KLHL26: variants seen among roughly 807,000 people sequenced by gnomAD.
KLHL26 encodes kelch like family member 26, also known as kelch-like protein 26.
A neutral mutation model predicts 7.1 loss-of-function variants in KLHL26; 4 were observed. The observed-to-expected ratio is 0.56, with a 90% CI of 0.28 to 1.28. The LOEUF is 1.28. Ranked by LOEUF, KLHL26 falls within the 50% of genes most tolerant of loss-of-function variation. The probability of loss-of-function intolerance (pLI) is 0.11; values close to 1 mark genes in which losing one functional copy is unlikely to be tolerated. For missense variants in KLHL26, 896 were observed against 924.6 expected (o/e 0.97, Z 0.40); for synonymous variants, 465 against 414.1 (o/e 1.12, Z -1.49).
At position 18,641,349 on chromosome 19, in the gene KLHL26, C is replaced by T. The variant is rs1429348168; in HGVS notation, c.83+4212C>T. On this transcript the variant is annotated intron_variant, in intron 1 of 2. Coordinates refer to ENST00000300976, the MANE Select transcript of KLHL26 (RefSeq NM_018316.3). ...TTTTTTTTTTTTTAAGACTGAGTCT[C>T]GCTTTGTTGCCCAGGCTGGAGTGCA... Among the ~76,000 whole-genome samples the T allele has an allele frequency of 1.0e-4, 13 of 127,394 alleles. 1 individual carries two copies. Among genetic ancestry groups the T allele is most frequent in the Non-Finnish European group, 2.0e-4 (13 of 64,192 alleles). The allele number at this position is 127,394 out of a possible 152,430, so 83.6% of individuals were successfully genotyped here. A position where few individuals can be genotyped will look rare whatever the true frequency, so the allele number is the denominator to read the frequency against.
Position 18,670,539 on chromosome 19 carries a change from A to T in KLHL26, c.*1294A>T, listed in dbSNP as rs2052517327. The T allele has an allele frequency of 6.6e-6, 1 of 152,022 alleles. No individual in the cohort carries two copies. Among genetic ancestry groups the T allele is most frequent in the Non-Finnish European group, 1.5e-5 (1 of 68,010 alleles). The allele number at this position is 152,022 out of a possible 1,614,324, so 9.4% of individuals were successfully genotyped here. Reference sequence around the variant, plus strand: ...ACTGAGCTTGTGCGGCTTGGGTCTGATTGGTCACAGATTCCTCGTGTGTCC... The same window carrying T: ...ACTGAGCTTGTGCGGCTTGGGTCTGTTTGGTCACAGATTCCTCGTGTGTCC... On this transcript the variant is annotated 3_prime_UTR_variant, in exon 3 of 3. Transcript: ENST00000300976.
chr19:18,667,352 GT>G, intron 2 of KLHL26: 2 of 438,020 alleles, frequency 4.6e-6, no homozygotes, highest in Admixed American at 3.5e-5. Flanking sequence ...GTTTTTGTTT[GT>G]TTGTTTGTTT....
intron 1 of KLHL26, among the ~76,000 whole-genome samples, chr19:18,645,638 C>T (rs1217687317): frequency 6.6e-6 from 1 of 151,906 alleles, no homozygotes; most frequent in Non-Finnish European, 1.5e-5. Context: ...ATAGTGAAAC[C>T]CCCTCTCTAC....
In KLHL26 at chr19:18,646,968, C is replaced by T. The variant is rs1032297741; in HGVS notation, c.83+9831C>T. On this transcript the variant is annotated intron_variant, in intron 1 of 2. Coordinates refer to ENST00000300976, the MANE Select transcript of KLHL26 (RefSeq NM_018316.3). The surrounding 1 kb of genome is among the most constrained non-coding windows in gnomAD (Gnocchi z 5.0). ...GAGCTCGGCAGGGCGGGGGCAGGGG[C>T]GGCGGGGGGTGGCGCGTCTCAGCAG... Among the ~76,000 whole-genome samples, 64 of 62,026 alleles carry T rather than the reference C, an allele frequency of 1.0e-3. No homozygotes were observed. The highest frequency in any genetic ancestry group is 3.6e-3 in the African/African-American group (57 of 15,756). The allele number at this position is 62,026 out of a possible 152,430, so 40.7% of individuals were successfully genotyped here.
In KLHL26 at chr19:18,667,742, G is replaced by A; in HGVS notation, c.345G>A (p.Arg115=). ...AGGGCGTGTCGGCCCGTGGCCTGCG[G>A]CACATCATCGACTTCGCCTACAGCG... The part of the protein sequence containing the change: ...ELKGVSARGL[R]HIIDFAYSAE... Residue 115 remains arginine (R), a synonymous_variant, in exon 3 of 3, where the codon CGG becomes CGA. Transcript: ENST00000300976. 1 of 1,613,240 alleles carries A rather than the reference G, an allele frequency of 6.2e-7. No homozygotes were observed. Among genetic ancestry groups the A allele is most frequent in the South Asian group, 1.1e-5 (1 of 91,082 alleles).
chr19:18,638,634 AG>A (rs1976659821), intron 1 of KLHL26, among the ~76,000 whole-genome samples: 1 of 152,238 alleles, frequency 6.6e-6, no homozygotes, highest in African/African-American at 2.4e-5. Context: ...GAAGAGGGAC[AG>A]TGAACCCCAG....
At position 18,665,899 on chromosome 19, in the gene KLHL26, G is replaced by A. The variant is rs571143313; in HGVS notation, c.266+1456G>A. On this transcript the variant is annotated intron_variant, in intron 2 of 2. Transcript: ENST00000300976. Reference sequence around the variant, plus strand: ...CCACACATTCCCCGAGGCCCGGGCCGCCTGCCCCATGGGCTCAATGAGGCT... The same window carrying A: ...CCACACATTCCCCGAGGCCCGGGCCACCTGCCCCATGGGCTCAATGAGGCT... Among the ~76,000 whole-genome samples the A allele has an allele frequency of 1.2e-4, 18 of 152,308 alleles. No homozygotes were observed. The South Asian group carries it at 3.5e-3, about 30-fold the overall frequency.
At chr19:18,642,555 G>A (rs1447337416) in intron 1 of KLHL26, among the ~76,000 whole-genome samples, 1 of 151,424 alleles carries the variant, frequency 6.6e-6, no homozygotes, top group Non-Finnish European at 1.5e-5. Context: ...GTAGAGGTGG[G>A]GTTTCTCCAT....
In KLHL26 at chr19:18,669,234, A is replaced by C; in HGVS notation, c.1837A>C (p.Thr613Pro). The C allele has an allele frequency of 6.2e-7, 1 of 1,608,996 alleles. No individual in the cohort carries two copies. The highest frequency in any genetic ancestry group is 1.1e-5 in the South Asian group (1 of 91,016). ...CAPVLLPRAG[T>P]RR The stretch of plus-strand genomic sequence containing the variant: ...CCCCGTCCTGCTGCCCCGGGCCGGG[A>C]CCAGGAGGTAGCCCCCAAGACCCCC... The change falls in exon 3 of 3, where the codon ACC becomes CCC. Residue 613 changes from threonine to proline, a missense_variant. Thr to Pro is a conservative substitution (Grantham distance 38). Coordinates refer to ENST00000300976, the MANE Select transcript of KLHL26 (RefSeq NM_018316.3).
chr19:18,645,209 C>T (rs1019417282), intron 1 of KLHL26, among the ~76,000 whole-genome samples: 4 of 152,204 alleles, frequency 2.6e-5, no homozygotes, highest in South Asian at 2.1e-4. Context: ...GCTCGGGCCG[C>T]GGGGTCTAGA....
intron 1 of KLHL26, among the ~76,000 whole-genome samples, chr19:18,641,471 A>G (rs1976710824): frequency 6.6e-6 from 1 of 151,396 alleles, no homozygotes; most frequent in Non-Finnish European, 1.5e-5. Flanking sequence ...GGTGCATGCT[A>G]CCACACCCGG....
At position 18,664,376 on chromosome 19, in the gene KLHL26, C is replaced by T; in HGVS notation, c.199C>T (p.Leu67=). 6.2e-7 allele frequency: 1 copy of T among 1,609,724 alleles called. No homozygotes were observed. The highest frequency in any genetic ancestry group is 8.5e-7 in the Non-Finnish European group (1 of 1,179,742). The part of the protein sequence containing the change: ...RAQGQLLDVV[L]TINREAFPAH... ...TCAGGGCCAGCTCCTCGATGTTGTG[C>T]TGACTATTAACAGAGAGGCCTTTCC... The change falls in exon 2 of 3, where the codon CTG becomes TTG. Residue 67 remains leucine (L), a synonymous_variant. Transcript: ENST00000300976.
chr19:18,658,905 C>G (rs769287085), intron 1 of KLHL26, among the ~76,000 whole-genome samples: 18 of 151,190 alleles, frequency 1.2e-4, no homozygotes, highest in Non-Finnish European at 2.4e-4. Flanking sequence ...TCTCTGTCCC[C>G]TCTCTCTGGG....
In KLHL26 at chr19:18,668,195, G is replaced by C. The variant is rs759498926; in HGVS notation, c.798G>C (p.Gln266His). The C allele has an allele frequency of 5.6e-6, 9 of 1,611,374 alleles. No individual in the cohort carries two copies. In the South Asian group the frequency reaches 9.9e-5, roughly 18 times the overall value. The change falls in exon 3 of 3, where the codon CAG becomes CAC. Residue 266 changes from glutamine to histidine, a missense_variant. By Grantham distance (24) the Gln-to-His change is conservative. Transcript: ENST00000300976. ...CGTCCGAGCTGGTGGACAGCGTGCA[G>C]ACGCTGGACATCATGGTGGAGGACG... ...MQSSELVDSV[Q>H]TLDIMVEDVL...
At position 18,646,780 on chromosome 19, in the gene KLHL26, T is replaced by A. The variant is rs1976809521; in HGVS notation, c.83+9643T>A. On this transcript the variant is annotated intron_variant, in intron 1 of 2. Coordinates refer to ENST00000300976, the MANE Select transcript of KLHL26 (RefSeq NM_018316.3). This position sits in a 1 kb window ranked among gnomAD's most constrained non-coding sequence, Gnocchi z 5.0. ...CCAGCAAGCCTTGATGTGGCGTGCG[T>A]GTGTCAGGCAGGGAAAGGAGAGGGT... 6.6e-6 allele frequency among the ~76,000 whole-genome samples: 1 copy of A among 152,072 alleles called. No homozygotes were observed.
Position 18,649,912 on chromosome 19 carries a change from C to T in KLHL26, c.83+12775C>T, listed in dbSNP as rs925952288. Among the ~76,000 whole-genome samples, 65 of 152,220 alleles carry T rather than the reference C, an allele frequency of 4.3e-4. No homozygotes were observed. The highest frequency in any genetic ancestry group is 3.3e-4 in the Admixed American group (5 of 15,280). ...CAGCGTGATTTCAGACCCCTCACTG[C>T]GCAGCGGAGTGCCTGATCGCTCTGT... On this transcript the variant is annotated intron_variant, in intron 1 of 2. Coordinates refer to ENST00000300976, the MANE Select transcript of KLHL26 (RefSeq NM_018316.3). This position sits in a 1 kb window ranked among gnomAD's most constrained non-coding sequence, Gnocchi z 4.0.
At chr19:18,666,723 C>T (rs1407013836) in intron 2 of KLHL26, among the ~76,000 whole-genome samples, 1 of 152,224 alleles carries the variant, frequency 6.6e-6, no homozygotes, top group Non-Finnish European at 1.5e-5. Context: ...AGCACAGCCT[C>T]CTGGTGGGGG....
At chr19:18,655,121 A>T (rs2052316539) in intron 1 of KLHL26, among the ~76,000 whole-genome samples, 1 of 152,014 alleles carries the variant, frequency 6.6e-6, no homozygotes, top group African/African-American at 2.4e-5. Flanking sequence ...CCGTAGACCG[A>T]GGCTCTCCCA....
chr19:18,671,152 A>G lies in KLHL26; in HGVS notation c.*1907A>G, dbSNP rs1240290739. 1 of 152,238 alleles carries G rather than the reference A, an allele frequency of 6.6e-6. No homozygotes were observed. Among genetic ancestry groups the G allele is most frequent in the Non-Finnish European group, 1.5e-5 (1 of 68,042 alleles). The allele number at this position is 152,238 out of a possible 1,614,324, so 9.4% of individuals were successfully genotyped here. ...CCTGATGTTCCCGGACGGCCTTCCC[A>G]GAAGGGAGGCCCTGGGATATCACAC... On this transcript the variant is annotated 3_prime_UTR_variant, in exon 3 of 3. Coordinates refer to ENST00000300976, the MANE Select transcript of KLHL26 (RefSeq NM_018316.3).
Sources: gnomAD v4.1 joint callset for allele counts (sites outside exome capture counted in the v4.1 genomes callset) on GRCh38, gnomAD v4.1.1 for gene constraint, Gnocchi (gnomAD v3.1) non-coding constraint, MANE v1.5 for transcripts, NCBI Gene and HGNC (gene_info 2026-07-23, HGNC 2026-07-21) for gene names.